Variants in ZNF782 observed in about 807,000 individuals in gnomAD.
ZNF782 encodes the protein zinc finger protein 782.
Under a neutral mutation model 13.0 loss-of-function variants are expected in ZNF782, and 12 were observed. That is an observed-to-expected ratio of 0.92 (90% CI 0.59 to 1.50). The LOEUF is 1.50. Ranked by LOEUF, ZNF782 falls within the 40% of genes most tolerant of loss-of-function variation. ZNF782 has a pLI of 0.00. For missense variants in ZNF782, 770 were observed against 822.9 expected (o/e 0.94, Z 0.79); for synonymous variants, 284 against 283.0 (o/e 1.00, Z -0.04).
upstream of ZNF782, among the ~76,000 whole-genome samples, chr9:96,878,922 T>G (rs1226016281): frequency 6.6e-6 from 1 of 152,166 alleles, no homozygotes; most frequent in Admixed American, 6.5e-5. Context: ...CAACACCAGA[T>G]AGCAAGCATT....
chr9:96,892,154 C>T, the ZNF782 span: 1 of 152,132 alleles, frequency 6.6e-6, no homozygotes, highest in Non-Finnish European at 1.5e-5. Flanking sequence ...TAGAACACTG[C>T]CCCTGGGTAT....
the ZNF782 span, among the ~76,000 whole-genome samples, chr9:96,908,090 A>G: frequency 2.6e-5 from 4 of 152,148 alleles, no homozygotes; most frequent in East Asian, 3.9e-4. Flanking sequence ...TTATGCTGAG[A>G]AAGATGGGGA....
chr9:96,824,447 C>T (rs1395631562), intron 5 of ZNF782, among the ~76,000 whole-genome samples: 6 of 150,508 alleles, frequency 4.0e-5, no homozygotes, highest in Non-Finnish European at 8.9e-5. Context: ...CAGCCAATAT[C>T]ATACTGAATG....
chr9:96,917,505 C>G, the ZNF782 span, among the ~76,000 whole-genome samples: 1 of 151,654 alleles, frequency 6.6e-6, no homozygotes, highest in Non-Finnish European at 1.5e-5. Flanking sequence ...AATCTCGGCT[C>G]ACTGCAACCT....
the ZNF782 span, among the ~76,000 whole-genome samples, chr9:96,927,476 G>C: frequency 4.6e-5 from 7 of 151,992 alleles, 1 homozygote; most frequent in African/African-American, 1.7e-4. Context: ...AAATCAGCCT[G>C]CTATTGTTTT....
chr9:96,893,287 CTT>C, the ZNF782 span: 2 of 152,176 alleles, frequency 1.3e-5, no homozygotes, highest in East Asian at 3.8e-4. Flanking sequence ...GGAAGAGAAA[CTT>C]TGAACTTTCT....
the ZNF782 span, chr9:96,910,128 A>C: frequency 1.3e-6 from 1 of 750,174 alleles, no homozygotes; most frequent in Non-Finnish European, 2.3e-6. Context: ...AAGGACTTAA[A>C]GGAGAAGAAG....
upstream of ZNF782, among the ~76,000 whole-genome samples, chr9:96,876,699 C>T (rs911169175): frequency 2.0e-5 from 3 of 151,932 alleles, no homozygotes; most frequent in Non-Finnish European, 2.9e-5. Flanking sequence ...ATACGCACAA[C>T]GCAAAATAAG....
intron 1 of ZNF782, among the ~76,000 whole-genome samples, chr9:96,869,921 G>C (rs2118882295): frequency 6.6e-6 from 1 of 152,296 alleles, no homozygotes; most frequent in African/African-American, 2.4e-5. Context: ...TTTTGCAAAA[G>C]TGTGCATTCA....
At chr9:96,866,187 C>A (rs912836560) in intron 1 of ZNF782, among the ~76,000 whole-genome samples, 1 of 152,178 alleles carries the variant, frequency 6.6e-6, no homozygotes, top group African/African-American at 2.4e-5. Flanking sequence ...ATGTCAGAGA[C>A]CTTTGTGGCA....
chr9:96,879,359 C>T (rs911618209), upstream of ZNF782, among the ~76,000 whole-genome samples: 4 of 152,090 alleles, frequency 2.6e-5, no homozygotes, highest in African/African-American at 4.8e-5. Flanking sequence ...AAAAATTAGC[C>T]GTGCCTGGTG....
At chr9:96,877,676 T>A (rs1851911296), upstream of ZNF782, among the ~76,000 whole-genome samples, 1 of 152,264 alleles carries the variant, frequency 6.6e-6, no homozygotes, top group East Asian at 1.9e-4. Flanking sequence ...CTTGAAGCAA[T>A]TTCCCGGCAA....
At chr9:96,867,984 CTT>C (rs1325706384) in intron 1 of ZNF782, among the ~76,000 whole-genome samples, 4 of 152,204 alleles carry the variant, frequency 2.6e-5, no homozygotes, top group South Asian at 2.1e-4. Context: ...TATTAACTGA[CTT>C]AACAAAAAAA....
chr9:96,826,539 A>G (rs2118446279), intron 5 of ZNF782, among the ~76,000 whole-genome samples: 1 of 152,296 alleles, frequency 6.6e-6, no homozygotes, highest in East Asian at 1.9e-4. Context: ...CCTAAAACTT[A>G]AAGTATAATA....
At chr9:96,928,070 C>T in the ZNF782 span, among the ~76,000 whole-genome samples, 1 of 149,344 alleles carries the variant, frequency 6.7e-6, no homozygotes, top group Admixed American at 6.6e-5. Flanking sequence ...ACACCTATTT[C>T]CTCCAGGAAA....
the ZNF782 span, among the ~76,000 whole-genome samples, chr9:96,906,824 G>A: frequency 1.3e-5 from 2 of 152,288 alleles, no homozygotes; most frequent in African/African-American, 2.4e-5. Flanking sequence ...TAAAGGATGG[G>A]GCTAGGGCCA....
intron 3 of ZNF782, among the ~76,000 whole-genome samples, chr9:96,847,836 C>A (rs886594832): frequency 1.3e-4 from 20 of 152,192 alleles, no homozygotes; most frequent in African/African-American, 4.8e-4. Context: ...GCCAGTATCA[C>A]CCTGATAGCA....
chr9:96,867,212 G>T (rs1298983503), intron 1 of ZNF782, among the ~76,000 whole-genome samples: 1 of 152,158 alleles, frequency 6.6e-6, no homozygotes, highest in Non-Finnish European at 1.5e-5. Context: ...ACGTGTTGTG[G>T]GAGGGACCTG....
At chr9:96,911,658 C>G in the ZNF782 span, among the ~76,000 whole-genome samples, 1 of 150,444 alleles carries the variant, frequency 6.6e-6, no homozygotes, top group African/African-American at 2.4e-5. Flanking sequence ...GTAGCTGGGA[C>G]TACAGGCGCC....
Sources: allele counts gnomAD v4.1 joint callset (sites outside exome capture counted in the v4.1 genomes callset), GRCh38; gene constraint gnomAD v4.1.1; transcripts MANE v1.5; gene names NCBI Gene and HGNC (gene_info 2026-07-23, HGNC 2026-07-21).